Variants in OXCT1 observed in about 807,000 individuals in gnomAD.
The protein encoded by OXCT1 is 3-oxoacid CoA-transferase 1.
OXCT1 carries 27 observed loss-of-function variants against 69.6 expected under a neutral mutation model. The ratio of observed to expected loss-of-function variants is 0.39; its 90% CI spans 0.29 to 0.54. OXCT1 has a LOEUF of 0.54. Among genes scored for constraint, OXCT1 ranks in the 20% least tolerant of loss-of-function variants. The probability of loss-of-function intolerance (pLI) is 0.72; values close to 1 mark genes in which losing one functional copy is unlikely to be tolerated. For synonymous variants in OXCT1, 202 were observed against 217.8 expected, an observed-to-expected ratio of 0.93 and a Z score of 0.64; for missense variants, 437 against 650.2, an observed-to-expected ratio of 0.67 and a Z score of 3.57.
At chr5:41,776,542 C>A (rs1441410088) in intron 13 of OXCT1, among the ~76,000 whole-genome samples, 1 of 152,186 alleles carries the variant, frequency 6.6e-6, no homozygotes, top group Non-Finnish European at 1.5e-5. Flanking sequence ...ACTCTTTAAG[C>A]CTGTTGCTAA....
intron 13 of OXCT1, among the ~76,000 whole-genome samples, chr5:41,789,005 T>C (rs1745787140): frequency 6.6e-6 from 1 of 152,204 alleles, no homozygotes; most frequent in African/African-American, 2.4e-5. Flanking sequence ...CTGACACACC[T>C]TTAAATAAAC....
chr5:41,795,246 G>A (rs1746123739), intron 11 of OXCT1, among the ~76,000 whole-genome samples: 1 of 152,172 alleles, frequency 6.6e-6, no homozygotes, highest in African/African-American at 2.4e-5. Context: ...GCCAAGCTTA[G>A]ATGGTAATGC....
intron 7 of OXCT1, among the ~76,000 whole-genome samples, chr5:41,839,228 T>A (rs1049377525): frequency 3.9e-5 from 6 of 152,144 alleles, no homozygotes; most frequent in Non-Finnish European, 7.4e-5. Flanking sequence ...AGAACCAGAT[T>A]ATAACAGGAA....
Position 41,781,436 on chromosome 5 carries a change from C to CT in OXCT1, c.1248+12566dup, listed in dbSNP as rs938186751. ...AGTGACCGCAGGGACACAGCTGCTG[C>CT]TTTTTTTTTTTTCCCTTCAACTTTT... On this transcript the variant is annotated intron_variant, in intron 13 of 16. Transcript: ENST00000196371. Among the ~76,000 whole-genome samples, 440 of 145,028 alleles carry CT rather than the reference C, an allele frequency of 3.0e-3. 2 individuals carry two copies. Among genetic ancestry groups the CT allele is most frequent in the Non-Finnish European group, 4.4e-3 (291 of 65,808 alleles).
intron 3 of OXCT1, among the ~76,000 whole-genome samples, chr5:41,856,481 C>T (rs150754265): frequency 3.5e-4 from 54 of 152,332 alleles, no homozygotes; most frequent in African/African-American, 1.2e-3. Flanking sequence ...CCACTCTCCA[C>T]TCTCATACTC....
rs138523955 is a variant in OXCT1, at chr5:41,860,593, A to G, written c.278+721T>C. 4.9e-3 allele frequency among the ~76,000 whole-genome samples: 744 copies of G among 152,328 alleles called. 2 individuals carry two copies. Among genetic ancestry groups the G allele is most frequent in the Admixed American group, 7.8e-3 (119 of 15,304 alleles). The stretch of plus-strand genomic sequence containing the variant: ...CCAAATAACCTACACTATTTATTCT[A>G]AACTGCTTTTATAATTGGCTAAAAT... On this transcript the variant is annotated intron_variant, in intron 3 of 16. Transcript: ENST00000196371.
rs546031585 is a variant in OXCT1, at chr5:41,752,552, A to C, written c.1339-2945T>G. Among the ~76,000 whole-genome samples, 30 of 152,196 alleles carry C rather than the reference A, an allele frequency of 2.0e-4. No homozygotes were observed. In the South Asian group the frequency reaches 6.2e-3, roughly 32 times the overall value. The stretch of plus-strand genomic sequence containing the variant: ...AGGATCACTTGAGGCCAGCAGTTCT[A>C]GAACACCCCAGGCAACATAGCAAGA... On this transcript the variant is annotated intron_variant, in intron 14 of 16. Coordinates refer to ENST00000196371, the MANE Select transcript of OXCT1 (RefSeq NM_000436.4).
intron 1 of OXCT1, among the ~76,000 whole-genome samples, chr5:41,864,474 T>C (rs1019399626): frequency 3.9e-5 from 6 of 152,140 alleles, no homozygotes; most frequent in African/African-American, 1.4e-4. Flanking sequence ...CTCTTTTCTA[T>C]TCATCTGCTT....
intron 13 of OXCT1, among the ~76,000 whole-genome samples, chr5:41,786,648 C>A (rs930668881): frequency 2.0e-5 from 3 of 152,132 alleles, no homozygotes; most frequent in African/African-American, 7.2e-5. Flanking sequence ...TGTCATGCAG[C>A]CTGAGTATTC....
intron 7 of OXCT1, among the ~76,000 whole-genome samples, chr5:41,822,531 T>G (rs1275650258): frequency 6.6e-6 from 1 of 152,032 alleles, no homozygotes; most frequent in African/African-American, 2.4e-5. Flanking sequence ...CAGGCTGGAG[T>G]TCAATGATCT....
chr5:41,803,290 A>T, intron 9 of OXCT1, 127 bp from the exon 10 acceptor site: 1 of 652,646 alleles, frequency 1.5e-6, no homozygotes, highest in Non-Finnish European at 2.8e-6. Context: ...TAATAAATGA[A>T]TATATTCTCC....
At chr5:41,760,045 C>G (rs184821581) in intron 14 of OXCT1, among the ~76,000 whole-genome samples, 1 of 152,224 alleles carries the variant, frequency 6.6e-6, no homozygotes, top group Admixed American at 6.5e-5. Flanking sequence ...AGTGAAAAAA[C>G]TCTCTTCCCT....
In OXCT1 at chr5:41,862,338, A is replaced by AT. The variant is rs1206512830; in HGVS notation, c.187+303dup. On this transcript the variant is annotated intron_variant, in intron 2 of 16. Transcript: ENST00000196371. ...TAAGTTAAAAAATTGGGATCTAGGG[A>AT]TTTTTTTCAAAGCTATTAATAAAAC... 2.0e-5 allele frequency among the ~76,000 whole-genome samples: 3 copies of AT among 152,094 alleles called. No individual in the cohort carries two copies. The South Asian group carries it at 6.2e-4, about 32-fold the overall frequency.
intron 7 of OXCT1, among the ~76,000 whole-genome samples, chr5:41,821,670 A>G (rs1339436742): frequency 4.6e-5 from 7 of 152,160 alleles, no homozygotes; most frequent in Non-Finnish European, 8.8e-5. Flanking sequence ...CATTTCATTT[A>G]GGTTTGCAAT....
intron 7 of OXCT1, among the ~76,000 whole-genome samples, chr5:41,826,769 C>T (rs984533486): frequency 6.6e-6 from 1 of 151,980 alleles, no homozygotes; most frequent in African/African-American, 2.4e-5. Context: ...ACTACCTTTC[C>T]GACCTCCCCT....
intron 14 of OXCT1, among the ~76,000 whole-genome samples, chr5:41,753,344 T>A (rs926151951): frequency 1.3e-5 from 2 of 150,994 alleles, no homozygotes; most frequent in Admixed American, 6.6e-5. Context: ...GACACACACG[T>A]GTGCACGTAT....
At chr5:41,795,758 T>C (rs1314942684) in intron 11 of OXCT1, among the ~76,000 whole-genome samples, 1 of 152,178 alleles carries the variant, frequency 6.6e-6, no homozygotes, top group Non-Finnish European at 1.5e-5. Flanking sequence ...TCTGAGGTGA[T>C]GGATGTGATA....
intron 6 of OXCT1, 148 bp downstream of exon 6, chr5:41,842,527 C>A: frequency 2.8e-6 from 2 of 703,662 alleles, no homozygotes; most frequent in South Asian, 1.5e-5. Context: ...ATACCAGCAG[C>A]CCTGCACACA....
intron 13 of OXCT1, among the ~76,000 whole-genome samples, chr5:41,779,563 A>C (rs1745295015): frequency 6.6e-6 from 1 of 152,184 alleles, no homozygotes; most frequent in Non-Finnish European, 1.5e-5. Flanking sequence ...CTAAAACTAG[A>C]ATTCAGGTCT....
Sources: gnomAD v4.1 joint callset for allele counts (sites outside exome capture counted in the v4.1 genomes callset) on GRCh38, gnomAD v4.1.1 for gene constraint, MANE v1.5 for transcripts, NCBI Gene and HGNC (gene_info 2026-07-23, HGNC 2026-07-21) for gene names.